BRI3BP: variants seen among roughly 807,000 people sequenced by gnomAD.
BRI3BP encodes the protein BRI3 binding protein.
BRI3BP carries 7 observed loss-of-function variants against 15.8 expected under a neutral mutation model. That is an observed-to-expected ratio of 0.44 (90% CI 0.25 to 0.83). The LOEUF (loss-of-function observed/expected upper bound fraction) is 0.83, where lower values mean the gene tolerates loss of function less well. Among genes scored for constraint, BRI3BP ranks in the 40% least tolerant of loss-of-function variants. The pLI, the probability that BRI3BP is intolerant of heterozygous loss-of-function variation, is 0.20. For missense variants in BRI3BP, 320 were observed against 339.3 expected (o/e 0.94, Z 0.45); for synonymous variants, 192 against 163.5 (o/e 1.17, Z -1.33).
intron 2 of BRI3BP, among the ~76,000 whole-genome samples, chr12:125,015,330 C>T (rs781309935): frequency 6.6e-6 from 1 of 151,872 alleles, no homozygotes; most frequent in Admixed American, 6.6e-5. Context: ...AGGGAGAAGA[C>T]GGCCATGCGA....
At chr12:125,006,231 C>T (rs1955142816) in intron 1 of BRI3BP, among the ~76,000 whole-genome samples, 2 of 152,144 alleles carry the variant, frequency 1.3e-5, no homozygotes, top group Admixed American at 1.3e-4. Flanking sequence ...CAGAGTTCAG[C>T]CCATATTATT....
chr12:125,002,542 C>T (rs1354820167), intron 1 of BRI3BP, among the ~76,000 whole-genome samples: 1 of 151,788 alleles, frequency 6.6e-6, no homozygotes, highest in Admixed American at 6.6e-5. Flanking sequence ...CTGCAACCTC[C>T]GCCTCCGGGG....
chr12:125,019,137 CAT>C (rs1229944086), intron 2 of BRI3BP, among the ~76,000 whole-genome samples: 1 of 152,174 alleles, frequency 6.6e-6, no homozygotes, highest in Non-Finnish European at 1.5e-5. Flanking sequence ...GGATTACAGA[CAT>C]GAGCCACTGC....
At chr12:125,031,481 A>G (rs1955405042), downstream of BRI3BP, among the ~76,000 whole-genome samples, 1 of 151,996 alleles carries the variant, frequency 6.6e-6, no homozygotes, top group South Asian at 2.1e-4. Context: ...TTAGTTGCCA[A>G]ATCTGACAGT....
chr12:125,012,438 C>G (rs1041430792), intron 1 of BRI3BP, 96 bp from the exon 2 acceptor site: 21 of 971,172 alleles, frequency 2.2e-5, no homozygotes, highest in Admixed American at 1.3e-4. Context: ...CACTATTTTT[C>G]CCTTCCCAGG....
In BRI3BP at chr12:125,028,986, G is replaced by C. The variant is rs1478926569; in HGVS notation, c.*3556G>C. On this transcript the variant is annotated 3_prime_UTR_variant, in exon 3 of 3. Coordinates refer to ENST00000341446, the MANE Select transcript of BRI3BP (RefSeq NM_080626.6). ...CGTAAAAGCATTCTGATGAAAACTGGTTCTGTTATAATTAAGACTCAGTGT... is the reference window on the plus strand; with the variant it reads ...CGTAAAAGCATTCTGATGAAAACTGCTTCTGTTATAATTAAGACTCAGTGT... 1.3e-5 allele frequency: 2 copies of C among 152,144 alleles called. No individual in the cohort carries two copies. The highest frequency in any genetic ancestry group is 2.9e-5 in the Non-Finnish European group (2 of 68,034). 9.4% of individuals were successfully genotyped at this position (152,144 alleles called of 1,614,324 possible). A position where few individuals can be genotyped will look rare whatever the true frequency, so the allele number is the denominator to read the frequency against.
At chr12:125,013,325 G>A (rs1955212830) in intron 2 of BRI3BP, among the ~76,000 whole-genome samples, 1 of 152,152 alleles carries the variant, frequency 6.6e-6, no homozygotes. Flanking sequence ...AGAGATGCAT[G>A]GCCTCAGACA....
rs1358168798 is a variant in BRI3BP, at chr12:125,028,639, T to C, written c.*3209T>C. The C allele has an allele frequency of 6.6e-6, 1 of 152,078 alleles. No individual in the cohort carries two copies. Among genetic ancestry groups the C allele is most frequent in the Non-Finnish European group, 1.5e-5 (1 of 68,018 alleles). 9.4% of individuals were successfully genotyped at this position (152,078 alleles called of 1,614,324 possible). A position where few individuals can be genotyped will look rare whatever the true frequency, so the allele number is the denominator to read the frequency against. On this transcript the variant is annotated 3_prime_UTR_variant, in exon 3 of 3. Coordinates refer to ENST00000341446, the MANE Select transcript of BRI3BP (RefSeq NM_080626.6). ...CTCAGGGTAGAAATTCTGATAGAAATTCTGATTATTTGAAACTCTGATAGA... is the reference window on the plus strand; with the variant it reads ...CTCAGGGTAGAAATTCTGATAGAAACTCTGATTATTTGAAACTCTGATAGA...
At chr12:125,049,340 T>A in the BRI3BP span, among the ~76,000 whole-genome samples, 1 of 152,194 alleles carries the variant, frequency 6.6e-6, no homozygotes, top group African/African-American at 2.4e-5. Context: ...CGTGTTCCAC[T>A]TTCTCCCACT....
intron 1 of BRI3BP, among the ~76,000 whole-genome samples, chr12:125,002,153 T>C (rs979239791): frequency 6.6e-6 from 1 of 152,244 alleles, no homozygotes; most frequent in African/African-American, 2.4e-5. Context: ...CTATTGTGAA[T>C]GGATGCTGCT....
At chr12:125,033,739 G>T (rs113671453), downstream of BRI3BP, among the ~76,000 whole-genome samples, 227 of 133,006 alleles carry the variant, frequency 1.7e-3, 3 homozygotes, top group East Asian at 0.014. Context: ...TGTTTTTCTG[G>T]TTTTTTTTTG....
Position 125,025,440 on chromosome 12 carries a change from G to T in BRI3BP, c.*10G>T. 6.4e-7 allele frequency: 1 copy of T among 1,572,220 alleles called. No individual in the cohort carries two copies. Among genetic ancestry groups the T allele is most frequent in the Middle Eastern group, 1.7e-4 (1 of 5,802 alleles). ...CTCCAAGGACAAGTGAAGGTCAGCC[G>T]GCCGGGCGGGTCCACAGTTACCAGC... On this transcript the variant is annotated 3_prime_UTR_variant, in exon 3 of 3. Coordinates refer to ENST00000341446, the MANE Select transcript of BRI3BP (RefSeq NM_080626.6).
chr12:125,003,956 A>AAC (rs202194939), intron 1 of BRI3BP, among the ~76,000 whole-genome samples: 3,684 of 38,002 alleles, frequency 0.097, 76 homozygotes, highest in Non-Finnish European at 0.096. Context: ...CCATCTCAAA[A>AAC]ACACACACAC....
chr12:125,005,698 G>A (rs1056711933), intron 1 of BRI3BP, among the ~76,000 whole-genome samples: 2 of 152,002 alleles, frequency 1.3e-5, no homozygotes, highest in Admixed American at 1.3e-4. Context: ...TTGAACCCGT[G>A]GGGTGGGGAG....
intron 1 of BRI3BP, among the ~76,000 whole-genome samples, chr12:125,009,283 CTTTTTTTTTTTTTTTT>C (rs1217778458): frequency 3.0e-5 from 2 of 66,568 alleles, no homozygotes; most frequent in Admixed American, 2.2e-4. Context: ...ACCCAGCCAT[CTTTTTTTTTTTTTTTT>C]TTTTTTTTGA....
chr12:125,045,267 A>G, the BRI3BP span, among the ~76,000 whole-genome samples: 1 of 152,238 alleles, frequency 6.6e-6, no homozygotes, highest in Non-Finnish European at 1.5e-5. Flanking sequence ...GAACCTTTAG[A>G]AAGAATGAAG....
At chr12:125,002,083 A>G (rs1038448432) in intron 1 of BRI3BP, among the ~76,000 whole-genome samples, 1 of 151,992 alleles carries the variant, frequency 6.6e-6, no homozygotes, top group Admixed American at 6.6e-5. Context: ...ATTCCTCTTT[A>G]TGGCTTTTTA....
chr12:125,040,482 T>C, the BRI3BP span, among the ~76,000 whole-genome samples: 2 of 150,700 alleles, frequency 1.3e-5, no homozygotes, highest in Non-Finnish European at 3.0e-5. Flanking sequence ...GCAGCTGGGA[T>C]TACAGGCATG....
At position 125,026,392 on chromosome 12, in the gene BRI3BP, A is replaced by G. The variant is rs910931573; in HGVS notation, c.*962A>G. 2.0e-5 allele frequency: 3 copies of G among 151,858 alleles called. No homozygotes were observed. The highest frequency in any genetic ancestry group is 7.3e-5 in the African/African-American group (3 of 41,284). The allele number at this position is 151,858 out of a possible 1,614,324, so 9.4% of individuals were successfully genotyped here. A position where few individuals can be genotyped will look rare whatever the true frequency, so the allele number is the denominator to read the frequency against. ...ACAGTAGCAGCTAATATTCTCAAGT[A>G]TATTGCTGCTTAGAAAGATCCTCAG... On this transcript the variant is annotated 3_prime_UTR_variant, in exon 3 of 3. Transcript: ENST00000341446.
Sources: gnomAD v4.1 joint callset for allele counts (sites outside exome capture counted in the v4.1 genomes callset) on GRCh38, gnomAD v4.1.1 for gene constraint, MANE v1.5 for transcripts, NCBI Gene and HGNC (gene_info 2026-07-23, HGNC 2026-07-21) for gene names.